The following PPFIA2 variants were observed in gnomAD, a reference collection of about 807,000 sequenced individuals.
The protein encoded by PPFIA2 is liprin-alpha-2.
A neutral mutation model predicts 175.5 loss-of-function variants in PPFIA2; 46 were observed. The ratio of observed to expected loss-of-function variants is 0.26; its 90% CI spans 0.21 to 0.34. The LOEUF is 0.34. Ranked by LOEUF, PPFIA2 falls within the 10% of genes least tolerant of loss-of-function variation. The pLI, the probability that PPFIA2 is intolerant of heterozygous loss-of-function variation, is 1.00. For synonymous variants in PPFIA2, 568 were observed against 511.4 expected, an observed-to-expected ratio of 1.11 and a Z score of -1.49; for missense variants, 1,179 against 1,506.1, an observed-to-expected ratio of 0.78 and a Z score of 3.60.
Position 81,491,489 on chromosome 12 carries a change from C to G in PPFIA2, c.304-33623G>C, listed in dbSNP as rs957593273. 3.3e-5 allele frequency among the ~76,000 whole-genome samples: 5 copies of G among 151,936 alleles called. No homozygotes were observed. In the East Asian group the frequency reaches 9.7e-4, roughly 29 times the overall value. On this transcript the variant is annotated intron_variant, in intron 4 of 32. Transcript: ENST00000549396. ...AACCCTCAAAATTCATTTGTTGAAG[C>G]CCTAAGCCCGATTTGATGGGAATTT... is the stretch of plus-strand genomic sequence containing the variant.
At chr12:81,654,358 C>T (rs973599433) in intron 4 of PPFIA2, among the ~76,000 whole-genome samples, 11 of 151,718 alleles carry the variant, frequency 7.3e-5, no homozygotes, top group African/African-American at 1.2e-4. Context: ...GTAAAAACTG[C>T]GAGACACTTG....
intron 4 of PPFIA2, among the ~76,000 whole-genome samples, chr12:81,573,012 TGAGA>T (rs143437420): frequency 0.12 from 17,793 of 149,444 alleles, 1,147 homozygotes; most frequent in Middle Eastern, 0.14. Flanking sequence ...GTATTAATAT[TGAGA>T]GAGAGAGAGA....
chr12:81,341,291 G>A (rs778640490), intron 19 of PPFIA2, 83 bp from the exon 20 acceptor site: 1 of 1,346,178 alleles, frequency 7.4e-7, no homozygotes, highest in Non-Finnish European at 1.0e-6. Flanking sequence ...ATGAGAACAA[G>A]GCTGTCGAGT....
chr12:81,281,171 A>T, intron 27 of PPFIA2, 86 bp downstream of exon 27: 1 of 1,002,218 alleles, frequency 1.0e-6, no homozygotes, highest in Non-Finnish European at 1.4e-6. Context: ...TGTCTTCTAG[A>T]CGTCCATTTT....
intron 4 of PPFIA2, among the ~76,000 whole-genome samples, chr12:81,534,887 T>C (rs761386147): frequency 2.0e-5 from 3 of 151,546 alleles, no homozygotes; most frequent in Non-Finnish European, 3.0e-5. Flanking sequence ...AGGGAGAAGA[T>C]GGAGTAGTTT....
chr12:81,692,109 GAC>G (rs71098161), intron 3 of PPFIA2, among the ~76,000 whole-genome samples: 17 of 149,384 alleles, frequency 1.1e-4, no homozygotes, highest in African/African-American at 3.0e-4. Flanking sequence ...CACAAACACA[GAC>G]ACACACACAC....
chr12:81,635,462 G>C (rs1179177509), intron 4 of PPFIA2, among the ~76,000 whole-genome samples: 1 of 152,192 alleles, frequency 6.6e-6, no homozygotes, highest in African/African-American at 2.4e-5. Flanking sequence ...GATCACAGTA[G>C]TGATGGCTTA....
intron 4 of PPFIA2, among the ~76,000 whole-genome samples, chr12:81,461,754 CT>C (rs2054575713): frequency 1.3e-5 from 2 of 151,896 alleles, no homozygotes; most frequent in Non-Finnish European, 1.5e-5. Context: ...TTTTTTTCAA[CT>C]TTTTTTCTTG....
chr12:81,607,296 G>A (rs1474820527), intron 4 of PPFIA2, among the ~76,000 whole-genome samples: 1 of 151,966 alleles, frequency 6.6e-6, no homozygotes, highest in African/African-American at 2.4e-5. Flanking sequence ...CTCTTTTTTG[G>A]TTCCATATGA....
intron 4 of PPFIA2, among the ~76,000 whole-genome samples, chr12:81,647,436 G>A (rs2066279893): frequency 6.6e-6 from 1 of 152,074 alleles, no homozygotes; most frequent in African/African-American, 2.4e-5. Flanking sequence ...AAGAGGAAAA[G>A]CGTAACCAGA....
chr12:81,422,737 C>T (rs2046497297), intron 7 of PPFIA2, among the ~76,000 whole-genome samples: 1 of 152,020 alleles, frequency 6.6e-6, no homozygotes, highest in African/African-American at 2.4e-5. Context: ...GGGTCCCTCC[C>T]ACAACACGTG....
intron 4 of PPFIA2, among the ~76,000 whole-genome samples, chr12:81,497,951 C>T (rs1369426692): frequency 6.6e-6 from 1 of 152,130 alleles, no homozygotes; most frequent in African/African-American, 2.4e-5. Flanking sequence ...TTTTTCCTTT[C>T]CCAGGCCTTT....
intron 7 of PPFIA2, among the ~76,000 whole-genome samples, chr12:81,426,320 G>A (rs2047131513): frequency 6.6e-6 from 1 of 152,110 alleles, no homozygotes; most frequent in Admixed American, 6.6e-5. Flanking sequence ...TGTTTCTCCT[G>A]CTTTGGCTGA....
At chr12:81,274,390 G>A (rs915430710) in intron 28 of PPFIA2, among the ~76,000 whole-genome samples, 1 of 151,978 alleles carries the variant, frequency 6.6e-6, no homozygotes, top group African/African-American at 2.4e-5. Flanking sequence ...GCAAATATGT[G>A]CCCATCAAAA....
At chr12:81,415,635 T>C (rs547069744) in intron 7 of PPFIA2, among the ~76,000 whole-genome samples, 1 of 149,916 alleles carries the variant, frequency 6.7e-6, no homozygotes, top group South Asian at 2.1e-4. Context: ...GAAATCTTCC[T>C]AAAACAGTAA....
At chr12:81,338,298 A>G (rs762728328) in intron 21 of PPFIA2, among the ~76,000 whole-genome samples, 7 of 152,104 alleles carry the variant, frequency 4.6e-5, no homozygotes, top group Non-Finnish European at 1.0e-4. Flanking sequence ...CCAATAATAT[A>G]ACTCTAAAAA....
intron 4 of PPFIA2, among the ~76,000 whole-genome samples, chr12:81,572,962 A>G (rs2072840509): frequency 6.6e-6 from 1 of 151,968 alleles, no homozygotes; most frequent in Non-Finnish European, 1.5e-5. Flanking sequence ...AAGTGAGTGT[A>G]ATTTATTTTA....
At chr12:81,271,598 T>C (rs1222442340) in intron 28 of PPFIA2, among the ~76,000 whole-genome samples, 1 of 152,194 alleles carries the variant, frequency 6.6e-6, no homozygotes, top group Non-Finnish European at 1.5e-5. Context: ...TTACACTTTA[T>C]ATTATTATTT....
In PPFIA2 at chr12:81,327,253, CA is replaced by C. The variant is rs369697428; in HGVS notation, c.2549-1384del. On this transcript the variant is annotated intron_variant, in intron 21 of 32. Transcript: ENST00000549396. Reference sequence around the variant, plus strand: ...ATTCAGAGATGTGGAGTTTGAGGGCCAAAATTTGTTTTAGTTATTATTCACA... The same window carrying C: ...ATTCAGAGATGTGGAGTTTGAGGGCCAAATTTGTTTTAGTTATTATTCACA... 2.5e-3 allele frequency among the ~76,000 whole-genome samples: 378 copies of C among 151,940 alleles called. 4 individuals are homozygous for C. Among genetic ancestry groups the C allele is most frequent in the African/African-American group, 8.6e-3 (356 of 41,448 alleles).
Sources: allele counts gnomAD v4.1 joint callset (sites outside exome capture counted in the v4.1 genomes callset), GRCh38; gene constraint gnomAD v4.1.1; transcripts MANE v1.5; gene names NCBI Gene and HGNC (gene_info 2026-07-23, HGNC 2026-07-21).